ADAMTS20: variants seen among roughly 807,000 people sequenced by gnomAD.
The protein encoded by ADAMTS20 is A disintegrin and metalloproteinase with thrombospondin motifs 20.
Under a neutral mutation model 260.1 loss-of-function variants are expected in ADAMTS20, and 225 were observed. That is an observed-to-expected ratio of 0.87 (90% CI 0.78 to 0.97). The LOEUF is 0.97. ADAMTS20 is among the 50% of genes least tolerant of loss of function. The pLI is 0.00. For synonymous variants in ADAMTS20, 802 were observed against 769.5 expected, an observed-to-expected ratio of 1.04 and a Z score of -0.70; for missense variants, 2,400 against 2,337.7, an observed-to-expected ratio of 1.03 and a Z score of -0.55.
chr12:43,454,944 G>A (rs1941937808), intron 11 of ADAMTS20, among the ~76,000 whole-genome samples: 2 of 152,132 alleles, frequency 1.3e-5, no homozygotes, highest in Non-Finnish European at 2.9e-5. Flanking sequence ...CCATATTTAA[G>A]CATATAGTTC....
Position 43,429,698 on chromosome 12 carries a change from A to G in ADAMTS20, c.3408T>C (p.Phe1136=), listed in dbSNP as rs1941403079. 2 of 1,590,326 alleles carry G rather than the reference A, an allele frequency of 1.3e-6. No homozygotes were observed. The highest frequency in any genetic ancestry group is 2.7e-5 in the African/African-American group (2 of 74,620). ...ATAAAGCGGTCTCAAGTTTAGAAAT[A>G]AATGAGCAAGGTGTAAGTACACAGC... ...RQSCVLTPCS[F]ISKLETALLP... Residue 1136 remains phenylalanine (F), a synonymous_variant, in exon 24 of 39, where the codon TTT becomes TTC. Transcript: ENST00000389420.
In ADAMTS20 at chr12:43,551,366, G is replaced by C. The variant is rs936818915; in HGVS notation, c.92-96C>G. On this transcript the variant is annotated intron_variant, in intron 1 of 38. Transcript: ENST00000389420. The surrounding 1 kb of genome is among the most constrained non-coding windows in gnomAD (Gnocchi z 4.6). ...CAAACGTCCCCGCTAAAGGTCCCAGGTCCCAGTACAGCCAGGGGCAAGACA... is the reference window on the plus strand; with the variant it reads ...CAAACGTCCCCGCTAAAGGTCCCAGCTCCCAGTACAGCCAGGGGCAAGACA... 8 of 1,493,458 alleles carry C rather than the reference G, an allele frequency of 5.4e-6. No individual in the cohort carries two copies. The Admixed American group carries it at 6.5e-5, about 12-fold the overall frequency. 92.5% of individuals were successfully genotyped at this position (1,493,458 alleles called of 1,614,324 possible).
At chr12:43,501,473 G>A (rs148188252) in intron 4 of ADAMTS20, among the ~76,000 whole-genome samples, 4,064 of 55,512 alleles carry the variant, frequency 0.073, 111 homozygotes, top group East Asian at 0.42. Context: ...GCGCGCGCGC[G>A]CGCGCGCGCA....
chr12:43,516,293 C>T (rs1165391717), intron 3 of ADAMTS20, among the ~76,000 whole-genome samples: 2 of 152,154 alleles, frequency 1.3e-5, no homozygotes, highest in East Asian at 1.9e-4. Flanking sequence ...CCCAGTCAGA[C>T]GTGTCAATGT....
At chr12:43,518,817 GAAAAAAA>G (rs34834714) in intron 3 of ADAMTS20, among the ~76,000 whole-genome samples, 15 of 111,996 alleles carry the variant, frequency 1.3e-4, no homozygotes, top group African/African-American at 2.7e-4. Flanking sequence ...ACTGGCTCAG[GAAAAAAA>G]AAAAAAAAAA....
chr12:43,385,112 G>C (rs1940443700), intron 29 of ADAMTS20, among the ~76,000 whole-genome samples: 1 of 152,188 alleles, frequency 6.6e-6, no homozygotes, highest in African/African-American at 2.4e-5. Flanking sequence ...ATCCTCTCCA[G>C]CATCTGTTGT....
At chr12:43,384,699 T>A (rs1252982231) in intron 29 of ADAMTS20, among the ~76,000 whole-genome samples, 1 of 152,144 alleles carries the variant, frequency 6.6e-6, no homozygotes, top group Non-Finnish European at 1.5e-5. Context: ...AGTGAGAACA[T>A]GCGGTGTTTG....
rs905272151 is a variant in ADAMTS20, at chr12:43,381,954, T to TA, written c.4797+1603dup. On this transcript the variant is annotated intron_variant, in intron 31 of 38. Transcript: ENST00000389420. ...TTCATACATACTAGGATGGTTATGT[T>TA]AAAAAAAAGATGGATTATAACAAGT... Among the ~76,000 whole-genome samples the TA allele has an allele frequency of 5.3e-5, 8 of 151,862 alleles. 1 individual carries two copies. The highest frequency in any genetic ancestry group is 1.7e-4 in the African/African-American group (7 of 41,440).
intron 4 of ADAMTS20, 34 bp downstream of exon 4, chr12:43,502,118 T>C (rs1371298707): frequency 6.7e-7 from 1 of 1,498,118 alleles, no homozygotes; most frequent in East Asian, 2.4e-5. Context: ...CTAAACATTT[T>C]AGGAAATATA....
At chr12:43,434,027 T>G (rs1415540891) in intron 19 of ADAMTS20, among the ~76,000 whole-genome samples, 4 of 152,200 alleles carry the variant, frequency 2.6e-5, no homozygotes, top group Non-Finnish European at 5.9e-5. Flanking sequence ...CATAAAATAT[T>G]GAGGCCTATA....
intron 3 of ADAMTS20, among the ~76,000 whole-genome samples, chr12:43,512,511 T>C (rs1942939655): frequency 6.6e-6 from 1 of 152,090 alleles, no homozygotes. Flanking sequence ...TCCTCTGTGA[T>C]TTCTCAATAT....
chr12:43,463,136 T>G (rs1942094420), intron 10 of ADAMTS20, 137 bp from the exon 11 acceptor site: 1 of 478,486 alleles, frequency 2.1e-6, no homozygotes, highest in Admixed American at 3.9e-5. Context: ...TCAGCAAATT[T>G]TTTTACTAAG....
chr12:43,499,486 ATTTT>A (rs71091160), intron 4 of ADAMTS20, among the ~76,000 whole-genome samples: 68 of 126,078 alleles, frequency 5.4e-4, no homozygotes, highest in African/African-American at 1.0e-3. Flanking sequence ...GATGATACTG[ATTTT>A]TTTTTTTTTT....
At chr12:43,492,180 A>G (rs1942609547) in intron 6 of ADAMTS20, among the ~76,000 whole-genome samples, 1 of 152,088 alleles carries the variant, frequency 6.6e-6, no homozygotes, top group Non-Finnish European at 1.5e-5. Context: ...GGAGATCGAG[A>G]CCATCCTGGC....
chr12:43,541,605 T>G (rs1050931635), intron 2 of ADAMTS20, among the ~76,000 whole-genome samples: 2 of 152,178 alleles, frequency 1.3e-5, no homozygotes, highest in Non-Finnish European at 2.9e-5. Context: ...TAAAAAGTTT[T>G]CTCTCTCTGA....
At chr12:43,390,280 G>A (rs985484160) in intron 29 of ADAMTS20, among the ~76,000 whole-genome samples, 1 of 152,164 alleles carries the variant, frequency 6.6e-6, no homozygotes, top group African/African-American at 2.4e-5. Flanking sequence ...CTGTTGTACT[G>A]ATAAACAGCT....
Position 43,462,922 on chromosome 12 carries a change from T to C in ADAMTS20, c.1587A>G (p.Ala529=), listed in dbSNP as rs1942089113. 1 of 1,608,574 alleles carries C rather than the reference T, an allele frequency of 6.2e-7. No individual in the cohort carries two copies. The change falls in exon 11 of 39, where the codon GCA becomes GCG. Residue 529 remains alanine (A), a synonymous_variant. Coordinates refer to ENST00000389420, the MANE Select transcript of ADAMTS20 (RefSeq NM_025003.5). The part of the protein sequence containing the change: ...KGCFTQHVPP[A]DGTDCGPGMH... Reference sequence around the variant, plus strand: ...TTCCAGGACCGCAGTCTGTTCCATCTGCTGGTGGCACGTGTTGAGTGAAAC... The same window carrying C: ...TTCCAGGACCGCAGTCTGTTCCATCCGCTGGTGGCACGTGTTGAGTGAAAC...
intron 2 of ADAMTS20, among the ~76,000 whole-genome samples, chr12:43,549,305 A>T (rs1266337560): frequency 6.6e-6 from 1 of 151,968 alleles, no homozygotes; most frequent in African/African-American, 2.4e-5. Flanking sequence ...TATAAAACAA[A>T]AAAAGTATGA....
chr12:43,460,988 A>ATATATATATATATTTTTTT, intron 11 of ADAMTS20, among the ~76,000 whole-genome samples: 14 of 26,382 alleles, frequency 5.3e-4, no homozygotes, highest in Admixed American at 1.7e-3. Flanking sequence ...ATATATATAT[A>ATATATATATATATTTTTTT]TTTTTTTTTT....
Sources: gnomAD v4.1 joint callset for allele counts (sites outside exome capture counted in the v4.1 genomes callset) on GRCh38, gnomAD v4.1.1 for gene constraint, Gnocchi (gnomAD v3.1) non-coding constraint, MANE v1.5 for transcripts, NCBI Gene and HGNC (gene_info 2026-07-23, HGNC 2026-07-21) for gene names.